CDH12: variants seen among roughly 807,000 people sequenced by gnomAD.
CDH12 encodes the protein cadherin-12.
In CDH12, 41 loss-of-function variants were observed where a neutral mutation model predicts 74.1. That is an observed-to-expected ratio of 0.55 (90% CI 0.43 to 0.72). The LOEUF (loss-of-function observed/expected upper bound fraction) is 0.72, where lower values mean the gene tolerates loss of function less well. Among genes scored for constraint, CDH12 ranks in the 30% least tolerant of loss-of-function variants. The pLI is 0.00. For missense variants in CDH12, 945 were observed against 977.2 expected, an observed-to-expected ratio of 0.97 and a Z score of 0.44; for synonymous variants, 399 against 355.0, an observed-to-expected ratio of 1.12 and a Z score of -1.39.
In CDH12 at chr5:21,751,890, A is replaced by T; in HGVS notation, c.2232T>A (p.Ser744Arg). ...AGCTGAGGGACTCTGCCACGGACCC[A>T]CTCCCTTCGTAGGCATATGTGGCCA... ...DSLATYAYEG[S>R]GSVAESLSSI... Residue 744 changes from serine (S) to arginine (R), a missense_variant, in exon 15 of 15, where the codon AGT becomes AGA. Physicochemically the swap from Ser to Arg is moderately radical, Grantham distance 110. Coordinates refer to ENST00000382254, the MANE Select transcript of CDH12 (RefSeq NM_004061.5). 1 of 1,613,296 alleles carries T rather than the reference A, an allele frequency of 6.2e-7. No homozygotes were observed. The highest frequency in any genetic ancestry group is 8.5e-7 in the Non-Finnish European group (1 of 1,179,886).
rs1744510137 is a variant in CDH12, at chr5:22,438,831, A to G, written c.-427-33480T>C. Among the ~76,000 whole-genome samples the G allele has an allele frequency of 2.0e-5, 3 of 151,756 alleles. No individual in the cohort carries two copies. The South Asian group carries it at 6.2e-4, about 31-fold the overall frequency. The stretch of plus-strand genomic sequence containing the variant: ...TTGGTTTCTTTTAAAGAGAGTTATT[A>G]TTTTTATTAATCTATAAAAAATTGA... On this transcript the variant is annotated intron_variant, in intron 2 of 14. Transcript: ENST00000382254.
At chr5:21,997,560 C>G (rs1303544957) in intron 5 of CDH12, among the ~76,000 whole-genome samples, 1 of 152,064 alleles carries the variant, frequency 6.6e-6, no homozygotes, top group African/African-American at 2.4e-5. Flanking sequence ...ATACATTACA[C>G]AGTTTGAAGT....
chr5:22,101,390 T>G (rs574592556), intron 4 of CDH12, among the ~76,000 whole-genome samples: 2 of 152,360 alleles, frequency 1.3e-5, no homozygotes, highest in African/African-American at 2.4e-5. Context: ...TGCAACATTA[T>G]AGAACACAAC....
intron 5 of CDH12, among the ~76,000 whole-genome samples, chr5:21,977,990 T>A (rs1757141753): frequency 6.6e-6 from 1 of 152,148 alleles, no homozygotes; most frequent in East Asian, 1.9e-4. Flanking sequence ...GCCTAAAGTA[T>A]AGACATTTTT....
At chr5:22,595,880 A>G (rs1736576592) in intron 1 of CDH12, among the ~76,000 whole-genome samples, 1 of 152,174 alleles carries the variant, frequency 6.6e-6, no homozygotes, top group South Asian at 2.1e-4. Flanking sequence ...GCTCGAGACC[A>G]TCCTGGCTAA....
intron 3 of CDH12, among the ~76,000 whole-genome samples, chr5:22,359,304 A>G (rs917990791): frequency 1.3e-5 from 2 of 152,226 alleles, no homozygotes; most frequent in South Asian, 4.1e-4. Flanking sequence ...AACAGATTTT[A>G]AAACAACAAA....
intron 5 of CDH12, among the ~76,000 whole-genome samples, chr5:22,013,734 G>A (rs191270579): frequency 2.2e-3 from 329 of 152,232 alleles, no homozygotes; most frequent in Non-Finnish European, 3.5e-3. Context: ...TATGAGACAA[G>A]CCTTAAAGGT....
intron 9 of CDH12, among the ~76,000 whole-genome samples, chr5:21,805,090 G>A (rs1272364302): frequency 6.6e-6 from 1 of 152,102 alleles, no homozygotes; most frequent in Non-Finnish European, 1.5e-5. Context: ...TGCCTAGAAA[G>A]CAAATTGAGC....
At chr5:21,787,418 T>TTTTTG (rs112557064) in intron 10 of CDH12, among the ~76,000 whole-genome samples, 33 of 151,376 alleles carry the variant, frequency 2.2e-4, no homozygotes, top group Non-Finnish European at 2.1e-4. Context: ...TGTTTTTGTT[T>TTTTTG]TTTGTTTTGC....
At chr5:21,765,269 T>C (rs1304978655) in intron 11 of CDH12, among the ~76,000 whole-genome samples, 170 bp from the exon 12 acceptor site, 1 of 152,130 alleles carries the variant, frequency 6.6e-6, no homozygotes, top group Non-Finnish European at 1.5e-5. Context: ...AGGATCCTTT[T>C]TATCTTTAGA....
At chr5:21,778,671 T>G (rs901203682) in intron 11 of CDH12, among the ~76,000 whole-genome samples, 2 of 151,890 alleles carry the variant, frequency 1.3e-5, no homozygotes, top group African/African-American at 4.8e-5. Context: ...CTTACCAAAA[T>G]TTACAAATCT....
At chr5:22,662,338 A>T (rs575259547) in intron 1 of CDH12, among the ~76,000 whole-genome samples, 82 of 152,196 alleles carry the variant, frequency 5.4e-4, no homozygotes, top group Non-Finnish European at 1.1e-3. Context: ...AGATAAATTC[A>T]GGTCTAGGAA....
At chr5:22,067,256 G>T (rs894929726) in intron 5 of CDH12, among the ~76,000 whole-genome samples, 1 of 152,110 alleles carries the variant, frequency 6.6e-6, no homozygotes, top group Non-Finnish European at 1.5e-5. Context: ...AAGGGTATGG[G>T]ATATAAATCT....
chr5:22,713,887 G>C (rs939326135), intron 1 of CDH12, among the ~76,000 whole-genome samples: 1 of 152,096 alleles, frequency 6.6e-6, no homozygotes, highest in Non-Finnish European at 1.5e-5. Flanking sequence ...TATTACCAAT[G>C]TATCACTGAG....
At chr5:22,498,672 A>C (rs1747204242) in intron 2 of CDH12, among the ~76,000 whole-genome samples, 1 of 151,976 alleles carries the variant, frequency 6.6e-6, no homozygotes. Flanking sequence ...TATTTCTCAA[A>C]TCTAGTCTGC....
intron 4 of CDH12, among the ~76,000 whole-genome samples, chr5:22,173,931 T>C (rs1251525347): frequency 6.6e-6 from 1 of 151,958 alleles, no homozygotes; most frequent in Non-Finnish European, 1.5e-5. Context: ...GATAGTATGC[T>C]GCATTTCCCA....
chr5:21,819,184 T>C (rs1051062076), intron 8 of CDH12, among the ~76,000 whole-genome samples: 4 of 152,042 alleles, frequency 2.6e-5, no homozygotes, highest in African/African-American at 7.2e-5. Flanking sequence ...GAATCTATCA[T>C]GGCTTTTGGA....
chr5:21,934,176 A>T (rs1306301544), intron 6 of CDH12, among the ~76,000 whole-genome samples: 1 of 151,992 alleles, frequency 6.6e-6, no homozygotes, highest in Non-Finnish European at 1.5e-5. Context: ...TCCCCGCCCA[A>T]ATCTGATGTG....
At chr5:22,252,542 A>T (rs1753171386) in intron 3 of CDH12, among the ~76,000 whole-genome samples, 1 of 152,034 alleles carries the variant, frequency 6.6e-6, no homozygotes, top group Admixed American at 6.6e-5. Context: ...TGATGCCTAA[A>T]GTTTATACTT....
Sources: allele counts gnomAD v4.1 joint callset (sites outside exome capture counted in the v4.1 genomes callset), GRCh38; gene constraint gnomAD v4.1.1; transcripts MANE v1.5; gene names NCBI Gene and HGNC (gene_info 2026-07-23, HGNC 2026-07-21).